The following ITIH5 variants were observed in gnomAD, a reference collection of about 807,000 sequenced individuals.
The protein encoded by ITIH5 is inter-alpha-trypsin inhibitor heavy chain H5.
A neutral mutation model predicts 77.5 loss-of-function variants in ITIH5; 65 were observed. That is an observed-to-expected ratio of 0.84 (90% CI 0.69 to 1.03). The LOEUF (loss-of-function observed/expected upper bound fraction) is 1.03, where lower values mean the gene tolerates loss of function less well. ITIH5 is among the 50% of genes least tolerant of loss of function. The probability of loss-of-function intolerance (pLI) is 0.00; values close to 1 mark genes in which losing one functional copy is unlikely to be tolerated. For missense variants in ITIH5, 1,208 were observed against 1,213.1 expected (o/e 1.00, Z 0.06); for synonymous variants, 525 against 494.3 (o/e 1.06, Z -0.82).
chr10:7,589,571 G>C (rs751010501), intron 7 of ITIH5, among the ~76,000 whole-genome samples: 2 of 151,962 alleles, frequency 1.3e-5, no homozygotes, highest in Non-Finnish European at 2.9e-5. Flanking sequence ...CAAGTTCTTC[G>C]GGGAGAAAAG....
intron 5 of ITIH5, among the ~76,000 whole-genome samples, chr10:7,636,327 C>T (rs186634853): frequency 3.0e-3 from 453 of 152,178 alleles, no homozygotes; most frequent in African/African-American, 0.01. Flanking sequence ...TATCTTACAT[C>T]TATACTAAGC....
intron 12 of ITIH5, 142 bp downstream of exon 12, chr10:7,569,526 G>A: frequency 1.8e-6 from 1 of 547,014 alleles, no homozygotes; most frequent in South Asian, 3.1e-5. Flanking sequence ...GGAGCGCAGT[G>A]CGCTTCCCTT....
intron 8 of ITIH5, among the ~76,000 whole-genome samples, chr10:7,582,086 A>C (rs556469938): frequency 6.6e-6 from 1 of 151,926 alleles, no homozygotes; most frequent in Non-Finnish European, 1.5e-5. Flanking sequence ...CATGTTGGCC[A>C]GGCTGGTCTT....
intron 7 of ITIH5, among the ~76,000 whole-genome samples, chr10:7,599,131 TG>T (rs757107173): frequency 3.3e-5 from 5 of 152,242 alleles, no homozygotes; most frequent in Middle Eastern, 3.2e-3. Flanking sequence ...TTTTTATAGT[TG>T]ATGTGTAAAT....
chr10:7,589,384 G>A (rs149863213), intron 7 of ITIH5, among the ~76,000 whole-genome samples: 1,801 of 152,250 alleles, frequency 0.012, 43 homozygotes, highest in African/African-American at 0.041. Context: ...ACTTGAACCC[G>A]GGCAGTGGAA....
intron 1 of ITIH5, among the ~76,000 whole-genome samples, chr10:7,659,511 C>T (rs1013813225): frequency 5.9e-5 from 9 of 152,234 alleles, no homozygotes; most frequent in African/African-American, 2.2e-4. Context: ...GCATGATCAT[C>T]TCTTGCCCTT....
chr10:7,563,326 G>T lies in ITIH5; in HGVS notation c.2586C>A (p.Asn862Lys), dbSNP rs374247037. 3.2e-5 allele frequency: 51 copies of T among 1,614,086 alleles called. No homozygotes were observed. The highest frequency in any genetic ancestry group is 4.2e-5 in the Non-Finnish European group (49 of 1,180,044). ...CCTGAAGGAGCAGAGGGTGAGTGAGGTTCTGGCTGGGCCCTGCAGGGTCTT... is the reference window on the plus strand; with the variant it reads ...CCTGAAGGAGCAGAGGGTGAGTGAGTTTCTGGCTGGGCCCTGCAGGGTCTT... ...LTEDPAGPSQ[N>K]LTHPLLLQVG... is the part of the protein sequence containing the mutation. Residue 862 changes from asparagine to lysine, a missense_variant, in exon 14 of 14, where the codon AAC (asparagine) becomes AAA (lysine). Physicochemically the swap from Asn to Lys is moderately conservative, Grantham distance 94. Transcript: ENST00000397146.
intron 8 of ITIH5, among the ~76,000 whole-genome samples, chr10:7,583,094 A>G (rs1363541413): frequency 1.3e-5 from 2 of 152,144 alleles, no homozygotes; most frequent in African/African-American, 4.8e-5. Context: ...TACCTCATAT[A>G]CCCCATAAAC....
intron 8 of ITIH5, among the ~76,000 whole-genome samples, chr10:7,581,721 C>CTT (rs142992412): frequency 0.034 from 3,472 of 101,650 alleles, 177 homozygotes; most frequent in Admixed American, 0.079. Flanking sequence ...TCTTTTCCTT[C>CTT]TTTTTTTTTT....
In ITIH5 at chr10:7,576,647, T is replaced by A; in HGVS notation, c.1784A>T (p.Glu595Val). 1 of 1,614,186 alleles carries A rather than the reference T, an allele frequency of 6.2e-7. No individual in the cohort carries two copies. The highest frequency in any genetic ancestry group is 8.5e-7 in the Non-Finnish European group (1 of 1,180,032). ...CTGCCGCAGCCGCTCCTTCTCCGGT[T>A]CATCGTCACTTTGCAGCCAGGAGCT... is the stretch of plus-strand genomic sequence containing the variant. ...LLSSWLQSDDEPEKERLRQRA... is the reference protein window; with the variant it reads ...LLSSWLQSDDVPEKERLRQRA... The change falls in exon 10 of 14, where the codon GAA becomes GTA. Residue 595 changes from glutamate to valine, a missense_variant. By Grantham distance (121) the Glu-to-Val change is moderately radical. Transcript: ENST00000397146.
rs182482526 is a variant in ITIH5 at position 7,604,705 on chromosome 10, C to T, written c.939+11277G>A. 7.7e-4 allele frequency among the ~76,000 whole-genome samples: 117 copies of T among 152,318 alleles called. 2 individuals carry two copies. The highest frequency in any genetic ancestry group is 6.0e-4 in the Non-Finnish European group (41 of 68,034). On this transcript the variant is annotated intron_variant, in intron 7 of 13. Coordinates refer to ENST00000397146, the MANE Select transcript of ITIH5 (RefSeq NM_030569.7). ...TCTTTTCCTGCCAAGAAAATTGTAT[C>T]CCATCTTCAAGAACCAGTTCCTTTT... is the stretch of plus-strand genomic sequence containing the variant.
At chr10:7,589,342 C>T (rs373244332) in intron 7 of ITIH5, among the ~76,000 whole-genome samples, 65 of 152,234 alleles carry the variant, frequency 4.3e-4, no homozygotes, top group African/African-American at 1.5e-3. Flanking sequence ...CGCCTGTAAT[C>T]CAGCTACTTG....
intron 11 of ITIH5, 94 bp downstream of exon 11, chr10:7,573,048 G>T (rs1002025160): frequency 1.1e-5 from 13 of 1,206,488 alleles, no homozygotes; most frequent in Non-Finnish European, 1.5e-5. Context: ...AAAGTGCTGG[G>T]ATTACAGGCG....
chr10:7,650,296 T>C (rs148806442), intron 2 of ITIH5, among the ~76,000 whole-genome samples: 42 of 152,338 alleles, frequency 2.8e-4, no homozygotes, highest in African/African-American at 9.9e-4. Flanking sequence ...TTAGCAACCA[T>C]GAGAAGTCAT....
chr10:7,572,500 C>A, intron 11 of ITIH5: 2 of 1,257,252 alleles, frequency 1.6e-6, no homozygotes, highest in South Asian at 1.3e-5. Flanking sequence ...TGGAAGGATG[C>A]ATGCTCCGGA....
chr10:7,579,886 G>A lies in ITIH5; in HGVS notation c.1287C>T (p.Gly429=), dbSNP rs1832508272. 6.2e-7 allele frequency: 1 copy of A among 1,614,096 alleles called. No individual in the cohort carries two copies. The highest frequency in any genetic ancestry group is 8.5e-7 in the Non-Finnish European group (1 of 1,180,046). The change falls in exon 9 of 14, where the codon GGC becomes GGT. Residue 429 remains glycine, a synonymous_variant. Coordinates refer to ENST00000397146, the MANE Select transcript of ITIH5 (RefSeq NM_030569.7). ...ILNNTREAAR[G]QVCIFTIGIG... Reference sequence around the variant, plus strand: ...TGCCAATGGTGAAGATGCAGACTTGGCCTCGGGCGGCCTCTCGGGTGTTGT... The same window carrying A: ...TGCCAATGGTGAAGATGCAGACTTGACCTCGGGCGGCCTCTCGGGTGTTGT...
intron 7 of ITIH5, among the ~76,000 whole-genome samples, chr10:7,591,374 C>T (rs12262055): frequency 0.28 from 42,939 of 151,972 alleles, 6,393 homozygotes; most frequent in East Asian, 0.49. Context: ...CCAGGGGCTG[C>T]CCTCCTTCCC....
chr10:7,624,875 A>G (rs1588409047), intron 5 of ITIH5, among the ~76,000 whole-genome samples: 1 of 80,822 alleles, frequency 1.2e-5, no homozygotes, highest in Non-Finnish European at 2.2e-5. Context: ...GTATATATGT[A>G]TGTATATATA....
At chr10:7,577,838 C>T (rs147569507) in intron 9 of ITIH5, among the ~76,000 whole-genome samples, 15 of 152,234 alleles carry the variant, frequency 9.9e-5, no homozygotes, top group East Asian at 3.9e-4. Flanking sequence ...GTAAACAGTA[C>T]TTCTTTGGTC....
Sources: gnomAD v4.1 joint callset for allele counts (sites outside exome capture counted in the v4.1 genomes callset) on GRCh38, gnomAD v4.1.1 for gene constraint, MANE v1.5 for transcripts, NCBI Gene and HGNC (gene_info 2026-07-23, HGNC 2026-07-21) for gene names.